ARHGEF3: variants seen among roughly 807,000 people sequenced by gnomAD.
ARHGEF3 encodes Rho guanine nucleotide exchange factor 3.
A neutral mutation model predicts 63.2 loss-of-function variants in ARHGEF3; 28 were observed. The observed-to-expected ratio is 0.44, with a 90% CI of 0.33 to 0.61. The LOEUF (loss-of-function observed/expected upper bound fraction) is 0.61. ARHGEF3 is among the 20% of genes least tolerant of loss of function. The pLI, the probability that ARHGEF3 is intolerant of heterozygous loss-of-function variation, is 0.03. For synonymous variants in ARHGEF3, 266 were observed against 254.2 expected (o/e 1.05, Z -0.44); for missense variants, 533 against 659.3 (o/e 0.81, Z 2.10).
At chr3:57,002,462 C>CTATATATATATATATATGTTATATA (rs1165862414) in intron 2 of ARHGEF3, among the ~76,000 whole-genome samples, 2 of 38,680 alleles carry the variant, frequency 5.2e-5, no homozygotes, top group African/African-American at 2.2e-4. Flanking sequence ...GTTCTAAGCA[C>CTATATATATATATATATGTTATATA]TATATATATA....
chr3:56,829,132 G>T (rs997184948), intron 4 of ARHGEF3, among the ~76,000 whole-genome samples: 1 of 152,024 alleles, frequency 6.6e-6, no homozygotes, highest in Non-Finnish European at 1.5e-5. Context: ...CATCATGTTG[G>T]CCAGGCTGGT....
intron 7 of ARHGEF3, among the ~76,000 whole-genome samples, chr3:56,738,268 G>C (rs546186229): frequency 6.6e-6 from 1 of 152,050 alleles, no homozygotes; most frequent in Non-Finnish European, 1.5e-5. Context: ...TCGATCTCTT[G>C]ACCTTGTGAT....
intron 3 of ARHGEF3, among the ~76,000 whole-genome samples, chr3:56,928,051 T>G (rs1281973982): frequency 6.6e-6 from 1 of 152,122 alleles, no homozygotes; most frequent in African/African-American, 2.4e-5. Context: ...CCCTCAATTC[T>G]GCAGACACAT....
intron 1 of ARHGEF3, among the ~76,000 whole-genome samples, chr3:57,067,467 A>AATAATAATAATT (rs1158835706): frequency 6.8e-6 from 1 of 147,532 alleles, no homozygotes; most frequent in African/African-American, 2.5e-5. Flanking sequence ...TAATAATAAT[A>AATAATAATAATT]ATAATAATAA....
At chr3:56,994,793 G>A (rs537819898) in intron 2 of ARHGEF3, among the ~76,000 whole-genome samples, 2 of 152,158 alleles carry the variant, frequency 1.3e-5, no homozygotes, top group South Asian at 4.1e-4. Flanking sequence ...ATATGGTTTG[G>A]ATCTGTGTCT....
intron 2 of ARHGEF3, among the ~76,000 whole-genome samples, chr3:57,018,672 C>T (rs891668656): frequency 2.6e-5 from 4 of 152,254 alleles, no homozygotes; most frequent in Non-Finnish European, 5.9e-5. Context: ...TGATGCTTTA[C>T]GTTTATGTCG....
chr3:56,772,747 G>T (rs532313800), intron 2 of ARHGEF3, among the ~76,000 whole-genome samples: 3 of 152,252 alleles, frequency 2.0e-5, no homozygotes, highest in Non-Finnish European at 4.4e-5. Flanking sequence ...GAAGATTAAT[G>T]ATTGCTAACT....
At chr3:56,926,844 C>G (rs2042288055) in intron 3 of ARHGEF3, among the ~76,000 whole-genome samples, 1 of 148,980 alleles carries the variant, frequency 6.7e-6, no homozygotes, top group Non-Finnish European at 1.5e-5. Flanking sequence ...CAAAGAGCCT[C>G]CTGGGTTGGA....
intron 2 of ARHGEF3, among the ~76,000 whole-genome samples, chr3:56,990,175 G>C (rs1380880772): frequency 6.6e-6 from 1 of 152,192 alleles, no homozygotes; most frequent in Non-Finnish European, 1.5e-5. Flanking sequence ...GAGAAACAAG[G>C]ACAGAGAGAG....
intron 1 of ARHGEF3, among the ~76,000 whole-genome samples, chr3:57,040,689 T>C (rs1026187575): frequency 6.6e-6 from 1 of 152,008 alleles, no homozygotes; most frequent in Non-Finnish European, 1.5e-5. Context: ...CCCTTCTCTG[T>C]GGGTATGCTG....
intron 6 of ARHGEF3, among the ~76,000 whole-genome samples, chr3:56,748,940 G>A (rs1485372832): frequency 1.3e-5 from 1 of 75,108 alleles, no homozygotes. Flanking sequence ...TTTTTCCTTT[G>A]CGGAGAAAAT....
intron 3 of ARHGEF3, among the ~76,000 whole-genome samples, chr3:56,910,963 A>G (rs1041534686): frequency 1.3e-5 from 2 of 152,198 alleles, no homozygotes; most frequent in African/African-American, 4.8e-5. Context: ...ACAAGGTCAC[A>G]GAGTAAGTGA....
intron 3 of ARHGEF3, among the ~76,000 whole-genome samples, chr3:56,926,341 A>G (rs1178830774): frequency 1.3e-5 from 2 of 152,056 alleles, no homozygotes; most frequent in African/African-American, 4.8e-5. Flanking sequence ...AGGAGTTCCA[A>G]CTCCACCCTG....
chr3:56,784,093 G>A (rs2036684668), intron 1 of ARHGEF3, among the ~76,000 whole-genome samples: 2 of 152,216 alleles, frequency 1.3e-5, no homozygotes, highest in South Asian at 4.1e-4. Context: ...CAGAGAAAGA[G>A]GAAGCCAAAT....
chr3:56,842,148 C>A (rs537605237), intron 4 of ARHGEF3, among the ~76,000 whole-genome samples: 59 of 152,260 alleles, frequency 3.9e-4, no homozygotes, highest in Non-Finnish European at 8.1e-4. Context: ...CTCAGTTCCT[C>A]CCCAACGCCC....
chr3:56,820,475 G>A (rs1235623885), intron 4 of ARHGEF3, among the ~76,000 whole-genome samples: 1 of 152,058 alleles, frequency 6.6e-6, no homozygotes, highest in Non-Finnish European at 1.5e-5. Context: ...AAAAAGGGGG[G>A]GACAGTGAGA....
chr3:56,994,081 A>AAAAAAAAAAAAAAAAAAAAAAAAAC (rs1701880412), intron 2 of ARHGEF3, among the ~76,000 whole-genome samples: 1 of 148,722 alleles, frequency 6.7e-6, no homozygotes, highest in Non-Finnish European at 1.5e-5. Context: ...AAAAAAAAAA[A>AAAAAAAAAAAAAAAAAAAAAAAAAC]AAAAGCACAC....
At chr3:56,745,152 A>G in intron 7 of ARHGEF3, 53 bp downstream of exon 7, 1 of 1,575,926 alleles carries the variant, frequency 6.3e-7, no homozygotes, top group Non-Finnish European at 8.6e-7. Flanking sequence ...CCAATCCACC[A>G]GCCATTATGG....
chr3:56,994,881 T>G (rs1701911526), intron 2 of ARHGEF3, among the ~76,000 whole-genome samples: 2 of 152,084 alleles, frequency 1.3e-5, no homozygotes, highest in South Asian at 4.1e-4. Flanking sequence ...TGGTGGTGGA[T>G]TTCCCCCTTG....
Sources: allele counts gnomAD v4.1 joint callset (sites outside exome capture counted in the v4.1 genomes callset), GRCh38; gene constraint gnomAD v4.1.1; transcripts MANE v1.5; gene names NCBI Gene and HGNC (gene_info 2026-07-23, HGNC 2026-07-21).